SGPL1: variants seen among roughly 807,000 people sequenced by gnomAD.
SGPL1 encodes the protein SP-lyase 1.
Under a neutral mutation model 68.9 loss-of-function variants are expected in SGPL1, and 37 were observed. That is an observed-to-expected ratio of 0.54 (90% CI 0.41 to 0.71). The LOEUF is 0.71. Ranked by LOEUF, SGPL1 falls within the 30% of genes least tolerant of loss-of-function variation. SGPL1 has a pLI of 0.00. For missense variants in SGPL1, 551 were observed against 704.6 expected (o/e 0.78, Z 2.47); for synonymous variants, 236 against 248.5 (o/e 0.95, Z 0.47).
chr10:70,832,365 C>A (rs919911169), intron 2 of SGPL1, among the ~76,000 whole-genome samples: 7 of 152,150 alleles, frequency 4.6e-5, no homozygotes, highest in African/African-American at 1.7e-4. Flanking sequence ...AGCAAATATT[C>A]AGTATTCCTC....
chr10:70,875,583 T>C, intron 13 of SGPL1, 35 bp downstream of exon 13: 2 of 1,577,868 alleles, frequency 1.3e-6, no homozygotes, highest in Non-Finnish European at 1.7e-6. Context: ...CTTATTTTGC[T>C]CCATGATTTT....
Position 70,877,209 on chromosome 10 carries a change from C to T in SGPL1, c.1581C>T (p.Gly527=). ...TGGATTTGTAGGGTGCCATCTATGG[C>T]ATGGCCCAGACAACTGTTGACAGGA... ...AKTTGMGAIY[G]MAQTTVDRNM... Residue 527 remains glycine (G), a synonymous_variant, in exon 15 of 15, where the codon GGC becomes GGT. Coordinates refer to ENST00000373202, the MANE Select transcript of SGPL1 (RefSeq NM_003901.4). 3 of 1,614,186 alleles carry T rather than the reference C, an allele frequency of 1.9e-6. No homozygotes were observed. Among genetic ancestry groups the T allele is most frequent in the Non-Finnish European group, 8.5e-7 (1 of 1,180,012 alleles).
In SGPL1 at chr10:70,876,587, A is replaced by G. The variant is rs756811161; in HGVS notation, c.1492A>G (p.Ile498Val). ...ACTACACGCCCGGAAACGAGTAGCT[A>G]TACAATTCCTAAAGGACATTCGAGA... is the stretch of plus-strand genomic sequence containing the variant. ...TLLHARKRVA[I>V]QFLKDIRESV... Residue 498 changes from isoleucine (I) to valine (V), a missense_variant, in exon 14 of 15, where the codon ATA (isoleucine) becomes GTA (valine). Physicochemically the swap from Ile to Val is conservative, Grantham distance 29. Transcript: ENST00000373202. 1.4e-5 allele frequency: 22 copies of G among 1,612,744 alleles called. No individual in the cohort carries two copies. The highest frequency in any genetic ancestry group is 8.5e-7 in the Non-Finnish European group (1 of 1,178,870).
At chr10:70,851,879 C>T (rs1158874933) in intron 4 of SGPL1, among the ~76,000 whole-genome samples, 2 of 152,184 alleles carry the variant, frequency 1.3e-5, no homozygotes. Flanking sequence ...TTGTTGGTTC[C>T]TGGCTGTAGT....
chr10:70,829,776 T>G (rs1845501450), intron 2 of SGPL1, among the ~76,000 whole-genome samples: 1 of 152,204 alleles, frequency 6.6e-6, no homozygotes, highest in South Asian at 2.1e-4. Flanking sequence ...TAGAACAGAT[T>G]AACATGACTC....
intron 7 of SGPL1, among the ~76,000 whole-genome samples, chr10:70,862,848 A>C (rs1247037472): frequency 1.3e-5 from 2 of 152,224 alleles, no homozygotes; most frequent in Non-Finnish European, 2.9e-5. Context: ...ACTCACCGCG[A>C]GGGTCCGCGG....
At chr10:70,845,488 C>G (rs770846926) in intron 3 of SGPL1, among the ~76,000 whole-genome samples, 3 of 152,020 alleles carry the variant, frequency 2.0e-5, no homozygotes, top group Non-Finnish European at 4.4e-5. Flanking sequence ...CTTTGAGCTT[C>G]CTAGAAGTGA....
At chr10:70,862,653 G>T (rs549946959) in intron 7 of SGPL1, among the ~76,000 whole-genome samples, 8 of 151,998 alleles carry the variant, frequency 5.3e-5, no homozygotes, top group African/African-American at 1.9e-4. Flanking sequence ...GTGAGACCAC[G>T]AGCCCACCGG....
rs1407161804 is a variant in SGPL1, at chr10:70,879,210, C to A, written c.*1875C>A. 1 of 152,714 alleles carries A rather than the reference C, an allele frequency of 6.5e-6. No individual in the cohort carries two copies. Among genetic ancestry groups the A allele is most frequent in the African/African-American group, 2.4e-5 (1 of 41,452 alleles). 9.5% of individuals were successfully genotyped at this position (152,714 alleles called of 1,614,324 possible). Reference sequence around the variant, plus strand: ...CTCCTGAATATTCAGCCTCTCCAGGCTGGTGTCTTCTAGTTTCCCCCACTG... The same window carrying A: ...CTCCTGAATATTCAGCCTCTCCAGGATGGTGTCTTCTAGTTTCCCCCACTG... On this transcript the variant is annotated 3_prime_UTR_variant, in exon 15 of 15. Coordinates refer to ENST00000373202, the MANE Select transcript of SGPL1 (RefSeq NM_003901.4).
At chr10:70,824,968 C>CTTTT (rs33942248) in intron 2 of SGPL1, among the ~76,000 whole-genome samples, 6 of 141,350 alleles carry the variant, frequency 4.2e-5, no homozygotes, top group Non-Finnish European at 9.1e-5. Context: ...TGTTTTTTCT[C>CTTTT]TTTTTTTTTT....
At chr10:70,836,288 T>C (rs561322314) in intron 2 of SGPL1, among the ~76,000 whole-genome samples, 1 of 152,310 alleles carries the variant, frequency 6.6e-6, no homozygotes, top group East Asian at 1.9e-4. Flanking sequence ...TTGGTTTTCT[T>C]CTTTTAGGTC....
chr10:70,816,395 G>T (rs1589443285), intron 1 of SGPL1, among the ~76,000 whole-genome samples: 1 of 152,090 alleles, frequency 6.6e-6, no homozygotes, highest in Non-Finnish European at 1.5e-5. Flanking sequence ...GGATTTGCTG[G>T]TCCTCCGACG....
At chr10:70,821,943 A>G (rs1845346469) in intron 2 of SGPL1, among the ~76,000 whole-genome samples, 1 of 152,200 alleles carries the variant, frequency 6.6e-6, no homozygotes, top group Admixed American at 6.5e-5. Context: ...GTCCTTTGCA[A>G]CATTTCTGCA....
intron 2 of SGPL1, among the ~76,000 whole-genome samples, chr10:70,824,968 CT>C (rs33942248): frequency 2.9e-4 from 41 of 141,280 alleles, no homozygotes; most frequent in Admixed American, 4.2e-4. Flanking sequence ...TGTTTTTTCT[CT>C]TTTTTTTTTT....
chr10:70,873,671 C>T, intron 12 of SGPL1, 82 bp downstream of exon 12: 1 of 1,023,538 alleles, frequency 9.8e-7, no homozygotes, highest in Non-Finnish European at 1.5e-6. Flanking sequence ...GGCTAAGTAT[C>T]CATAGCCCTA....
intron 3 of SGPL1, among the ~76,000 whole-genome samples, chr10:70,849,760 A>G (rs1337298408): frequency 6.6e-6 from 1 of 152,248 alleles, no homozygotes; most frequent in Non-Finnish European, 1.5e-5. Context: ...GTAGAAGTTC[A>G]TATTCAGTTC....
chr10:70,877,413 T>C lies in SGPL1; in HGVS notation c.*78T>C. 7.0e-7 allele frequency: 1 copy of C among 1,438,506 alleles called. No homozygotes were observed. The highest frequency in any genetic ancestry group is 9.7e-7 in the Non-Finnish European group (1 of 1,025,694). The allele number at this position is 1,438,506 out of a possible 1,614,324, so 89.1% of individuals were successfully genotyped here. ...GATATGGAACAGGCCGTGCACAACTTTGACATCTGGTCTTGCTCCATAGAG... is the reference window on the plus strand; with the variant it reads ...GATATGGAACAGGCCGTGCACAACTCTGACATCTGGTCTTGCTCCATAGAG... On this transcript the variant is annotated 3_prime_UTR_variant, in exon 15 of 15. Transcript: ENST00000373202.
intron 7 of SGPL1, among the ~76,000 whole-genome samples, chr10:70,865,592 TGAA>T (rs1433236960): frequency 3.9e-5 from 6 of 152,342 alleles, no homozygotes; most frequent in Admixed American, 3.3e-4. Context: ...CTGCTTCTAG[TGAA>T]GAAAGAGTTC....
rs768050613 is a variant in SGPL1 at position 70,875,388 on chromosome 10, T to G, written c.1299-14T>G. On this transcript the variant is annotated splice_polypyrimidine_tract_variant and intron_variant, in intron 12 of 14. Coordinates refer to ENST00000373202, the MANE Select transcript of SGPL1 (RefSeq NM_003901.4). ...ATTTACTTTTTCTTCCTTCATTTAT[T>G]TTTTTGTTTTAAGACTGGAAAATAT... 2.8e-6 allele frequency: 2 copies of G among 720,672 alleles called. No homozygotes were observed. Among genetic ancestry groups the G allele is most frequent in the South Asian group, 4.6e-5 (2 of 43,644 alleles). 44.6% of individuals were successfully genotyped at this position (720,672 alleles called of 1,614,324 possible).
Sources: gnomAD v4.1 joint callset for allele counts (sites outside exome capture counted in the v4.1 genomes callset) on GRCh38, gnomAD v4.1.1 for gene constraint, MANE v1.5 for transcripts, NCBI Gene and HGNC (gene_info 2026-07-23, HGNC 2026-07-21) for gene names.